Variants in MTRR observed in about 807,000 individuals in gnomAD.
MTRR encodes methionine synthase reductase.
A neutral mutation model predicts 79.2 loss-of-function variants in MTRR; 63 were observed. The ratio of observed to expected loss-of-function variants is 0.80; its 90% CI spans 0.65 to 0.98. The LOEUF is 0.98. Among genes scored for constraint, MTRR ranks in the 50% least tolerant of loss-of-function variants. The pLI is 0.00. For synonymous variants in MTRR, 355 were observed against 313.3 expected, an observed-to-expected ratio of 1.13 and a Z score of -1.41; for missense variants, 895 against 839.6, an observed-to-expected ratio of 1.07 and a Z score of -0.82.
intron 11 of MTRR, among the ~76,000 whole-genome samples, chr5:7,894,875 T>G (rs1738242467): frequency 6.6e-6 from 1 of 152,250 alleles, no homozygotes; most frequent in Admixed American, 6.5e-5. Context: ...ATACTTTCAG[T>G]AAATCTGTTA....
chr5:7,865,980 T>G, upstream of MTRR: 1 of 1,613,522 alleles, frequency 6.2e-7, no homozygotes, highest in East Asian at 2.2e-5. Context: ...ATGAGATTCT[T>G]TACCTGAAAC....
chr5:7,883,051 A>G, intron 5 of MTRR, 104 bp from the exon 6 acceptor site: 1 of 1,451,692 alleles, frequency 6.9e-7, no homozygotes, highest in South Asian at 1.2e-5. Context: ...AATACTGAGT[A>G]GCCAGGAAGT....
upstream of MTRR, chr5:7,866,919 G>A: frequency 3.7e-6 from 6 of 1,614,150 alleles, no homozygotes; most frequent in South Asian, 4.4e-5. Context: ...ACTGCATTGA[G>A]GATGGGTTTT....
chr5:7,885,436 T>C (rs1441901152), intron 6 of MTRR, among the ~76,000 whole-genome samples: 1 of 152,168 alleles, frequency 6.6e-6, no homozygotes, highest in Non-Finnish European at 1.5e-5. Flanking sequence ...AGGTCTGACT[T>C]CCATTCTTTA....
At chr5:7,867,940 TCGTGAACACAAC>T, upstream of MTRR, 1 of 1,614,120 alleles carries the variant, frequency 6.2e-7, no homozygotes, top group East Asian at 2.2e-5. Flanking sequence ...GCTCAGGTTG[TCGTGAACACAAC>T]CAAGGGCACA....
At chr5:7,895,699 C>CT (rs780736474) in intron 11 of MTRR, 35 bp from the exon 12 acceptor site, 49 of 1,612,822 alleles carry the variant, frequency 3.0e-5, no homozygotes, top group Non-Finnish European at 4.0e-5. Context: ...CCTAGGTTTT[C>CT]TTTCATACTT....
At chr5:7,898,918 G>T (rs1211744351) in intron 14 of MTRR, among the ~76,000 whole-genome samples, 1 of 152,174 alleles carries the variant, frequency 6.6e-6, no homozygotes, top group Non-Finnish European at 1.5e-5. Context: ...CTAAAGAAAA[G>T]AGATTTAATG....
At chr5:7,882,021 C>T (rs1415304901) in intron 5 of MTRR, among the ~76,000 whole-genome samples, 1 of 152,210 alleles carries the variant, frequency 6.6e-6, no homozygotes, top group Admixed American at 6.5e-5. Flanking sequence ...TCCCAGGCTA[C>T]CCTGGCACTG....
chr5:7,863,281 A>G (rs1313673600), intron 2 of MTRR: 13 of 363,282 alleles, frequency 3.6e-5, no homozygotes, highest in Non-Finnish European at 6.5e-5. Context: ...AGGAGTGAGG[A>G]GAGAGTGAGA....
chr5:7,878,019 A>G lies in MTRR; in HGVS notation c.477A>G (p.Gly159=), dbSNP rs1270504511. 2 of 1,613,628 alleles carry G rather than the reference A, an allele frequency of 1.2e-6. No individual in the cohort carries two copies. The highest frequency in any genetic ancestry group is 1.7e-6 in the Non-Finnish European group (2 of 1,179,992). Residue 159 remains glycine (G), a synonymous_variant, in exon 5 of 15, where the codon GGA becomes GGG. Transcript: ENST00000440940. ...ALRKHFRSSR[G]QEEISGALPV... ...GAAAGCATTTTAGGTCAAGCAGAGGACAAGAGGAGATAAGTGGCGCACTCC... is the reference window on the plus strand; with the variant it reads ...GAAAGCATTTTAGGTCAAGCAGAGGGCAAGAGGAGATAAGTGGCGCACTCC...
chr5:7,897,076 G>C lies in MTRR; in HGVS notation c.1781G>C (p.Arg594Thr), dbSNP rs1738653273. The C allele has an allele frequency of 6.2e-7, 1 of 1,614,084 alleles. No homozygotes were observed. The highest frequency in any genetic ancestry group is 1.3e-5 in the African/African-American group (1 of 75,020). Reference sequence around the variant, plus strand: ...ATATTATATTTCAGAAAAGAGCTCAGACATTTCCTTAAGCATGGGATCTTA... The same window carrying C: ...ATATTATATTTCAGAAAAGAGCTCACACATTTCCTTAAGCATGGGATCTTA... The part of the protein sequence containing the change: ...DRDYLFRKEL[R>T]HFLKHGILTH... The change falls in exon 14 of 15, where the codon AGA (arginine) becomes ACA (threonine). Residue 594 changes from arginine to threonine, a missense_variant. Coordinates refer to ENST00000440940, the MANE Select transcript of MTRR (RefSeq NM_002454.3).
chr5:7,893,091 A>G, intron 11 of MTRR, 178 bp downstream of exon 11: 1 of 686,770 alleles, frequency 1.5e-6, no homozygotes. Flanking sequence ...GTACTCTTTA[A>G]CTAGTGTGTG....
At position 7,870,858 on chromosome 5, in the gene MTRR, A is replaced by C; in HGVS notation, c.64A>C (p.Ile22Leu). The change falls in exon 2 of 15, where the codon ATA becomes CTA. Residue 22 changes from isoleucine (I) to leucine (L), a missense_variant. Transcript: ENST00000440940. ...ACAGGCAAAGGCCATCGCAGAAGAA[A>C]TATGTGAGCAAGCTGTGGTACATGG... is the stretch of plus-strand genomic sequence containing the variant. ...QGQAKAIAEE[I>L]CEQAVVHGFS... The C allele has an allele frequency of 1.2e-6, 2 of 1,614,212 alleles. No homozygotes were observed. Among genetic ancestry groups the C allele is most frequent in the Non-Finnish European group, 1.7e-6 (2 of 1,180,032 alleles).
intron 13 of MTRR, 21 bp from the exon 14 acceptor site, chr5:7,897,044 C>A: frequency 6.2e-7 from 1 of 1,612,896 alleles, no homozygotes; most frequent in South Asian, 1.1e-5. Context: ...TTTTAGTGAT[C>A]CATTATATAT....
intron 11 of MTRR, among the ~76,000 whole-genome samples, chr5:7,894,256 A>G (rs186327106): frequency 6.6e-6 from 1 of 152,362 alleles, no homozygotes; most frequent in African/African-American, 2.4e-5. Context: ...ATTATACAGA[A>G]TGTTGACTTT....
At chr5:7,866,625 C>A, upstream of MTRR, 1 of 1,532,054 alleles carries the variant, frequency 6.5e-7, no homozygotes, top group South Asian at 1.3e-5. Context: ...TTCCAACTGT[C>A]AGAATTTATA....
chr5:7,861,544 C>A, intron 1 of MTRR: 1 of 1,410,726 alleles, frequency 7.1e-7, no homozygotes, highest in South Asian at 1.7e-5. Context: ...TTAGCCTCAA[C>A]GAGTCTTGTA....
Position 7,889,255 on chromosome 5 carries a change from C to CA in MTRR, c.1308dup (p.Pro437ThrfsTer11). 4.3e-6 allele frequency: 7 copies of CA among 1,612,926 alleles called. No individual in the cohort carries two copies. The highest frequency in any genetic ancestry group is 5.9e-6 in the Non-Finnish European group (7 of 1,180,028). ...CTCCTCGCTTTCCCTTCTTGCCAGC[C>CA]ACCACTCAGTCTCCTGCTCGGTGAG... On this transcript the variant is annotated frameshift_variant, in exon 9 of 15. Coordinates refer to ENST00000440940, the MANE Select transcript of MTRR (RefSeq NM_002454.3). LOFTEE classifies it high-confidence loss of function.
upstream of MTRR, chr5:7,867,146 G>A: frequency 6.2e-7 from 1 of 1,614,120 alleles, no homozygotes; most frequent in East Asian, 2.2e-5. Flanking sequence ...TATAATCAGA[G>A]GAAATGCTTG....
Sources: gnomAD v4.1 joint callset for allele counts (sites outside exome capture counted in the v4.1 genomes callset) on GRCh38, gnomAD v4.1.1 for gene constraint, MANE v1.5 for transcripts, NCBI Gene and HGNC (gene_info 2026-07-23, HGNC 2026-07-21) for gene names.